Variants in SLC36A1 observed in about 807,000 individuals in gnomAD.
SLC36A1 encodes the protein solute carrier family 36 member 1, also known as proton-coupled amino acid transporter 1.
In SLC36A1, 30 loss-of-function variants were observed where a neutral mutation model predicts 47.5. The observed-to-expected ratio is 0.63, with a 90% CI of 0.47 to 0.86. The LOEUF is 0.86. SLC36A1 is among the 40% of genes least tolerant of loss of function. The probability of loss-of-function intolerance (pLI) is 0.00; values close to 1 mark genes in which losing one functional copy is unlikely to be tolerated. For synonymous variants in SLC36A1, 255 were observed against 249.7 expected, an observed-to-expected ratio of 1.02 and a Z score of -0.20; for missense variants, 517 against 606.0, an observed-to-expected ratio of 0.85 and a Z score of 1.54.
chr5:151,347,418 C>T, the SLC36A1 span: 1 of 1,614,224 alleles, frequency 6.2e-7, no homozygotes, highest in South Asian at 1.1e-5. Flanking sequence ...AATTTGATGG[C>T]AACGGCTCCC....
chr5:151,393,147 C>T, the SLC36A1 span, among the ~76,000 whole-genome samples: 1 of 151,544 alleles, frequency 6.6e-6, no homozygotes, highest in Non-Finnish European at 1.5e-5. Flanking sequence ...ATCCCTTTAC[C>T]ATTATGTAAT....
the SLC36A1 span, among the ~76,000 whole-genome samples, chr5:151,358,766 G>A: frequency 3.3e-5 from 5 of 151,916 alleles, no homozygotes; most frequent in Non-Finnish European, 7.4e-5. Flanking sequence ...GAGGTCAGGA[G>A]ATCGAGACCA....
downstream of SLC36A1, among the ~76,000 whole-genome samples, chr5:151,495,385 G>A (rs6886023): frequency 1.3e-4 from 20 of 152,152 alleles, no homozygotes; most frequent in African/African-American, 4.6e-4. Context: ...AGGCACAGGA[G>A]GGAGGTCCAG....
chr5:151,521,876 TCTC>T, the SLC36A1 span: 1 of 1,613,470 alleles, frequency 6.2e-7, no homozygotes, highest in Non-Finnish European at 8.5e-7. Flanking sequence ...CTGCCCAGGG[TCTC>T]CTCTTCTGCC....
intron 1 of SLC36A1, among the ~76,000 whole-genome samples, chr5:151,439,364 T>A (rs760030933): frequency 6.6e-6 from 1 of 152,070 alleles, no homozygotes; most frequent in Admixed American, 6.6e-5. Context: ...ATAAGAAATG[T>A]GTAAAACAGG....
chr5:151,397,720 C>T, the SLC36A1 span, among the ~76,000 whole-genome samples: 15 of 143,728 alleles, frequency 1.0e-4, no homozygotes, highest in South Asian at 1.8e-3. Flanking sequence ...GCTGAGATCA[C>T]GCCATCCCAC....
At chr5:151,476,506 T>C (rs912116388) in intron 8 of SLC36A1, 84 bp from the exon 9 acceptor site, 5 of 1,175,628 alleles carry the variant, frequency 4.3e-6, no homozygotes, top group Non-Finnish European at 5.9e-6. Flanking sequence ...AAAGAGTTAC[T>C]TTTTTTCTGA....
chr5:151,486,900 C>A (rs1194806426), intron 10 of SLC36A1, among the ~76,000 whole-genome samples: 7 of 152,212 alleles, frequency 4.6e-5, no homozygotes, highest in Non-Finnish European at 1.0e-4. Flanking sequence ...ATGATGATAA[C>A]ATTAACAGGT....
rs371658123 is a variant in SLC36A1, at chr5:151,463,640, C to T, written c.231C>T (p.Ile77=). 18 of 1,613,252 alleles carry T rather than the reference C, an allele frequency of 1.1e-5. No individual in the cohort carries two copies. Among genetic ancestry groups the T allele is most frequent in the African/African-American group, 9.4e-5 (7 of 74,856 alleles). Reference sequence around the variant, plus strand: ...CTCTGGCGGTGAAAAATGCAGGCATCGTGGTAAGGGTCTGCATCAGTGGAG... The same window carrying T: ...CTCTGGCGGTGAAAAATGCAGGCATTGTGGTAAGGGTCTGCATCAGTGGAG... ...GLPLAVKNAG[I]VMGPISLLII... The change falls in exon 3 of 11, where the codon ATC becomes ATT. Residue 77 remains isoleucine, a synonymous_variant. Transcript: ENST00000243389.
At chr5:151,410,273 T>TA in the SLC36A1 span, among the ~76,000 whole-genome samples, 2 of 145,618 alleles carry the variant, frequency 1.4e-5, no homozygotes, top group Non-Finnish European at 3.0e-5. Context: ...ATGAATTCAT[T>TA]CATTCATTGA....
chr5:151,538,031 C>A, the SLC36A1 span: 2 of 1,241,856 alleles, frequency 1.6e-6, no homozygotes, highest in South Asian at 3.1e-5. Context: ...CTGAGGGAGG[C>A]AGAAGCAGAA....
chr5:151,403,536 T>C, the SLC36A1 span, among the ~76,000 whole-genome samples: 10 of 152,224 alleles, frequency 6.6e-5, no homozygotes, highest in Admixed American at 6.5e-4. Flanking sequence ...CTTTGTCTTC[T>C]GCCATGAGTA....
chr5:151,522,456 C>T, the SLC36A1 span, among the ~76,000 whole-genome samples: 1 of 152,228 alleles, frequency 6.6e-6, no homozygotes. Flanking sequence ...CCTCAGATGT[C>T]TCAGCAATTC....
chr5:151,547,938 A>G, the SLC36A1 span, among the ~76,000 whole-genome samples: 1 of 152,222 alleles, frequency 6.6e-6, no homozygotes, highest in Non-Finnish European at 1.5e-5. Context: ...AAAAATGAGC[A>G]TGTGTTACTT....
At chr5:151,431,600 T>G in the SLC36A1 span, among the ~76,000 whole-genome samples, 2 of 152,166 alleles carry the variant, frequency 1.3e-5, 1 homozygote, top group East Asian at 3.9e-4. Context: ...GGTGGGTCTT[T>G]CCTGTGCTAT....
chr5:151,364,754 G>A, the SLC36A1 span, among the ~76,000 whole-genome samples: 3 of 152,178 alleles, frequency 2.0e-5, no homozygotes, highest in African/African-American at 7.2e-5. Context: ...AGCACAAGGT[G>A]AAACCTGCAT....
the SLC36A1 span, chr5:151,554,655 C>T: frequency 7.4e-6 from 12 of 1,613,244 alleles, no homozygotes; most frequent in Non-Finnish European, 1.0e-5. Context: ...GAGGGTTCCC[C>T]ATTGTCCAGC....
At chr5:151,537,185 A>AAG in the SLC36A1 span, among the ~76,000 whole-genome samples, 62 of 151,644 alleles carry the variant, frequency 4.1e-4, no homozygotes, top group African/African-American at 1.4e-3. Flanking sequence ...AGAAAGAAAG[A>AAG]AGAGAGAGAG....
At chr5:151,539,463 T>C in the SLC36A1 span, among the ~76,000 whole-genome samples, 4 of 152,230 alleles carry the variant, frequency 2.6e-5, no homozygotes, top group African/African-American at 9.7e-5. Flanking sequence ...TTGATTGTGC[T>C]AGGTATATAG....
Sources: gnomAD v4.1 joint callset for allele counts (sites outside exome capture counted in the v4.1 genomes callset) on GRCh38, gnomAD v4.1.1 for gene constraint, MANE v1.5 for transcripts, NCBI Gene and HGNC (gene_info 2026-07-23, HGNC 2026-07-21) for gene names.